The following DPP10 variants were observed in gnomAD, a reference collection of about 807,000 sequenced individuals.
DPP10 encodes the protein inactive dipeptidyl peptidase 10.
In DPP10, 33 loss-of-function variants were observed where a neutral mutation model predicts 120.9. The ratio of observed to expected loss-of-function variants is 0.27; its 90% CI spans 0.21 to 0.37. DPP10 has a LOEUF of 0.37. Among genes scored for constraint, DPP10 ranks in the 10% least tolerant of loss-of-function variants. The pLI is 1.00. For missense variants in DPP10, 816 were observed against 942.8 expected (o/e 0.87, Z 1.76); for synonymous variants, 337 against 326.1 (o/e 1.03, Z -0.36).
At chr2:114,698,641 G>C (rs1429311449) in intron 1 of DPP10, among the ~76,000 whole-genome samples, 1 of 152,076 alleles carries the variant, frequency 6.6e-6, no homozygotes, top group Non-Finnish European at 1.5e-5. Flanking sequence ...TCTAAGTCAG[G>C]AGAACAAGGC....
At chr2:114,445,665 C>T (rs570282515) in intron 1 of DPP10, among the ~76,000 whole-genome samples, 1 of 151,208 alleles carries the variant, frequency 6.6e-6, no homozygotes, top group East Asian at 2.0e-4. Context: ...CTGTTTGTGG[C>T]CATGATGTGT....
chr2:114,540,956 C>T (rs939338757), intron 1 of DPP10, among the ~76,000 whole-genome samples: 3 of 152,122 alleles, frequency 2.0e-5, no homozygotes, highest in Non-Finnish European at 4.4e-5. Context: ...AAGCTGCTAC[C>T]CTCCACTCCC....
chr2:114,900,589 A>G (rs1168267494), intron 1 of DPP10, among the ~76,000 whole-genome samples: 1 of 152,186 alleles, frequency 6.6e-6, no homozygotes, highest in Non-Finnish European at 1.5e-5. Flanking sequence ...CATTCTGCAT[A>G]TAGTGTTTTG....
intron 1 of DPP10, among the ~76,000 whole-genome samples, chr2:114,810,676 TTA>T (rs1436462892): frequency 6.6e-6 from 1 of 152,214 alleles, no homozygotes; most frequent in African/African-American, 2.4e-5. Flanking sequence ...AATGTTAGTT[TTA>T]TGTTACTATA....
intron 3 of DPP10, among the ~76,000 whole-genome samples, chr2:115,382,929 C>G (rs2106484510): frequency 6.6e-6 from 1 of 152,176 alleles, no homozygotes; most frequent in East Asian, 1.9e-4. Context: ...GTCTGTCTCT[C>G]CTACTCTGCC....
intron 1 of DPP10, chr2:115,297,154 G>A (rs1436110048): frequency 1.6e-5 from 3 of 189,060 alleles, no homozygotes; most frequent in African/African-American, 7.0e-5. Context: ...GCATGAGCCT[G>A]TATTATATCT....
At chr2:115,802,639 C>T (rs1575822570) in intron 19 of DPP10, among the ~76,000 whole-genome samples, 1 of 152,132 alleles carries the variant, frequency 6.6e-6, no homozygotes, top group Non-Finnish European at 1.5e-5. Context: ...TGTCTTTGTT[C>T]TCATTGGTTT....
At chr2:115,380,153 G>T (rs1346247206) in intron 3 of DPP10, among the ~76,000 whole-genome samples, 1 of 152,152 alleles carries the variant, frequency 6.6e-6, no homozygotes, top group Non-Finnish European at 1.5e-5. Flanking sequence ...ACAGTGGGGT[G>T]TTAAAGTCTC....
Position 114,547,562 on chromosome 2 carries a change from C to T in DPP10, c.60+104724C>T, listed in dbSNP as rs183349944. ...TACAACTCTAGGAATGTTCCTTAGCCATTTGATTTTCTGTGTATCCATCAG... is the reference window on the plus strand; with the variant it reads ...TACAACTCTAGGAATGTTCCTTAGCTATTTGATTTTCTGTGTATCCATCAG... On this transcript the variant is annotated intron_variant, in intron 1 of 25. Coordinates refer to ENST00000410059, the MANE Select transcript of DPP10 (RefSeq NM_020868.6). Among the ~76,000 whole-genome samples the T allele has an allele frequency of 2.6e-4, 39 of 152,100 alleles. No homozygotes were observed. The East Asian group carries it at 6.6e-3, about 26-fold the overall frequency.
At chr2:114,494,691 G>A (rs1329867322) in intron 1 of DPP10, among the ~76,000 whole-genome samples, 1 of 152,140 alleles carries the variant, frequency 6.6e-6, no homozygotes, top group Non-Finnish European at 1.5e-5. Flanking sequence ...GACATACCAT[G>A]GCTTTGGAGT....
chr2:114,530,669 C>G (rs774880534), intron 1 of DPP10, among the ~76,000 whole-genome samples: 5 of 152,076 alleles, frequency 3.3e-5, no homozygotes, highest in African/African-American at 4.8e-5. Flanking sequence ...CTCTGCTGAC[C>G]TGAGCTCATT....
At chr2:115,093,801 C>T (rs1287988063) in intron 1 of DPP10, among the ~76,000 whole-genome samples, 1 of 151,956 alleles carries the variant, frequency 6.6e-6, no homozygotes, top group Non-Finnish European at 1.5e-5. Flanking sequence ...TTTTATTGTT[C>T]TGCTAAATGA....
At chr2:114,836,627 G>C (rs544478076) in intron 1 of DPP10, among the ~76,000 whole-genome samples, 1 of 152,110 alleles carries the variant, frequency 6.6e-6, no homozygotes, top group Non-Finnish European at 1.5e-5. Flanking sequence ...ATGAAGTTTC[G>C]GGCACCCATT....
chr2:114,657,773 A>T (rs1697074904), intron 1 of DPP10, among the ~76,000 whole-genome samples: 1 of 152,206 alleles, frequency 6.6e-6, no homozygotes, highest in African/African-American at 2.4e-5. Context: ...TTAAGCACAA[A>T]AAATATATTC....
intron 1 of DPP10, among the ~76,000 whole-genome samples, chr2:115,247,221 AG>A (rs1373373264): frequency 6.6e-6 from 1 of 152,124 alleles, no homozygotes; most frequent in Non-Finnish European, 1.5e-5. Flanking sequence ...GACTTCAGGT[AG>A]GATCTACTGT....
chr2:114,898,530 T>TACCA (rs1693256049), intron 1 of DPP10, among the ~76,000 whole-genome samples: 1 of 151,854 alleles, frequency 6.6e-6, no homozygotes, highest in Admixed American at 6.6e-5. Context: ...ATAAAGGTGG[T>TACCA]AGGAAATAAA....
At chr2:114,673,211 T>TC (rs1698459353) in intron 1 of DPP10, among the ~76,000 whole-genome samples, 1 of 152,152 alleles carries the variant, frequency 6.6e-6, no homozygotes, top group African/African-American at 2.4e-5. Context: ...TGCACAAGCT[T>TC]CAGTGTGTTG....
intron 1 of DPP10, among the ~76,000 whole-genome samples, chr2:115,297,837 A>G (rs796095696): frequency 1.1e-4 from 16 of 152,182 alleles, no homozygotes; most frequent in African/African-American, 3.8e-4. Flanking sequence ...CTGCCTTGTT[A>G]GTAATCCGTA....
intron 1 of DPP10, among the ~76,000 whole-genome samples, chr2:114,492,338 A>G (rs1682078518): frequency 6.6e-6 from 1 of 152,126 alleles, no homozygotes; most frequent in Non-Finnish European, 1.5e-5. Flanking sequence ...CCTAGTGAAG[A>G]CTGTTAAATG....
Sources: allele counts gnomAD v4.1 joint callset (sites outside exome capture counted in the v4.1 genomes callset), GRCh38; gene constraint gnomAD v4.1.1; transcripts MANE v1.5; gene names NCBI Gene and HGNC (gene_info 2026-07-23, HGNC 2026-07-21).